NCAPD2: variants seen among roughly 807,000 people sequenced by gnomAD.
The protein encoded by NCAPD2 is condensin complex subunit 1.
In NCAPD2, 100 loss-of-function variants were observed where a neutral mutation model predicts 164.5. That is an observed-to-expected ratio of 0.61 (90% confidence interval 0.52 to 0.72). NCAPD2 has a LOEUF of 0.72. Among genes scored for constraint, NCAPD2 ranks in the 30% least tolerant of loss-of-function variants. The probability of loss-of-function intolerance (pLI) is 0.00; values close to 1 mark genes in which losing one functional copy is unlikely to be tolerated. For missense variants in NCAPD2, 1,560 were observed against 1,749.2 expected, an observed-to-expected ratio of 0.89 and a Z score of 1.93; for synonymous variants, 585 against 642.6, an observed-to-expected ratio of 0.91 and a Z score of 1.36.
At chr12:6,523,859 T>A (rs1285810787) in intron 17 of NCAPD2, among the ~76,000 whole-genome samples, 1 of 152,200 alleles carries the variant, frequency 6.6e-6, no homozygotes, top group African/African-American at 2.4e-5. Flanking sequence ...AGGTAGATAA[T>A]AAAGTGCCAG....
intron 6 of NCAPD2, among the ~76,000 whole-genome samples, 162 bp downstream of exon 6, chr12:6,511,414 C>T (rs1946145469): frequency 6.6e-6 from 1 of 151,952 alleles, no homozygotes; most frequent in Non-Finnish European, 1.5e-5. Flanking sequence ...CTCACTGCAG[C>T]CTCTACCTCC....
intron 17 of NCAPD2, among the ~76,000 whole-genome samples, chr12:6,523,656 CAG>C (rs1219982038): frequency 6.6e-6 from 1 of 152,216 alleles, no homozygotes; most frequent in Admixed American, 6.5e-5. Flanking sequence ...CTCAACCTCC[CAG>C]AGTGCTGGGA....
chr12:6,514,692 T>C, intron 8 of NCAPD2, 81 bp from the exon 9 acceptor site: 1 of 1,606,114 alleles, frequency 6.2e-7, no homozygotes, highest in Non-Finnish European at 8.5e-7. Flanking sequence ...CTTCAGATAT[T>C]AGATACCTGT....
rs545349359 is a variant in NCAPD2 at position 6,531,396 on chromosome 12, G to T, written c.4190G>T (p.Arg1397Leu). The T allele has an allele frequency of 6.2e-7, 1 of 1,612,996 alleles. No homozygotes were observed. The highest frequency in any genetic ancestry group is 8.5e-7 in the Non-Finnish European group (1 of 1,179,874). ...ACTCCCATTCTCAGAGCATCGGCTC[G>T]CAGGCACAGATCCTAGGAAGTCTGT... ...KTTPILRASA[R>L]RHRS Residue 1397 changes from arginine to leucine, a missense_variant, in exon 32 of 32, where the codon CGC becomes CTC. Coordinates refer to ENST00000315579, the MANE Select transcript of NCAPD2 (RefSeq NM_014865.4). The surrounding 1 kb of genome is among the most constrained non-coding windows in gnomAD (Gnocchi z 4.1).
At chr12:6,515,927 C>T (rs577207901) in intron 9 of NCAPD2, among the ~76,000 whole-genome samples, 4 of 152,054 alleles carry the variant, frequency 2.6e-5, no homozygotes, top group South Asian at 2.1e-4. Context: ...TGTGGTGGCT[C>T]ACGCCTGTAA....
rs774397044 is a variant in NCAPD2 at position 6,521,923 on chromosome 12, C to T, written c.1840C>T (p.Leu614=). Residue 614 remains leucine, a synonymous_variant, in exon 15 of 32, where the codon CTA becomes TTA. Coordinates refer to ENST00000315579, the MANE Select transcript of NCAPD2 (RefSeq NM_014865.4). The part of the protein sequence containing the change: ...DPEESRGNDE[L]VKQEMLVQYL... ...TGAGGAATCCAGGGGAAATGATGAA[C>T]TAGTGAAGCAGGAGATGCTGGTACA... The T allele has an allele frequency of 4.3e-6, 7 of 1,614,116 alleles. No homozygotes were observed. The highest frequency in any genetic ancestry group is 1.3e-5 in the African/African-American group (1 of 75,014).
chr12:6,529,964 C>T lies in NCAPD2; in HGVS notation c.3837+6C>T. 6.2e-7 allele frequency: 1 copy of T among 1,610,074 alleles called. No homozygotes were observed. Among genetic ancestry groups the T allele is most frequent in the Non-Finnish European group, 8.5e-7 (1 of 1,177,392 alleles). On this transcript the variant is annotated splice_donor_region_variant and intron_variant, in intron 29 of 31. Transcript: ENST00000315579. The stretch of plus-strand genomic sequence containing the variant: ...GGGCCAAGCCTGAGGGCAAGGTGAG[C>T]AGCACAGGACACTTCAATGCCTGTT...
At chr12:6,503,542 C>T (rs1026066777) in intron 2 of NCAPD2, among the ~76,000 whole-genome samples, 5 of 151,994 alleles carry the variant, frequency 3.3e-5, no homozygotes, top group Non-Finnish European at 7.4e-5. Flanking sequence ...GAGGCCGAGG[C>T]GGGCAGATCA....
intron 2 of NCAPD2, among the ~76,000 whole-genome samples, chr12:6,502,665 T>C (rs1304820603): frequency 2.6e-5 from 4 of 151,876 alleles, no homozygotes; most frequent in East Asian, 1.9e-4. Context: ...AAGATAGATA[T>C]AAGGCCGAGT....
intron 20 of NCAPD2, 22 bp from the exon 21 acceptor site, chr12:6,526,426 A>G (rs779899298): frequency 1.9e-6 from 3 of 1,613,886 alleles, no homozygotes; most frequent in East Asian, 4.5e-5. Flanking sequence ...GCAGTAAACA[A>G]CTTCTCCCTC....
At position 6,504,133 on chromosome 12, in the gene NCAPD2, C is replaced by T. The variant is rs534950821; in HGVS notation, c.128-5584C>T. ...ACCATACAGCGTGCTAAGTGTTGTTCTGACTGGTTTGCATGGACTATCTCA... is the reference window on the plus strand; with the variant it reads ...ACCATACAGCGTGCTAAGTGTTGTTTTGACTGGTTTGCATGGACTATCTCA... On this transcript the variant is annotated intron_variant, in intron 2 of 31. Transcript: ENST00000315579. Among the ~76,000 whole-genome samples the T allele has an allele frequency of 9.0e-5, 12 of 133,506 alleles. No individual in the cohort carries two copies. In the East Asian group the frequency reaches 2.8e-3, roughly 31 times the overall value. 87.6% of individuals were successfully genotyped at this position (133,506 alleles called of 152,430 possible).
At chr12:6,502,506 G>A (rs1946047358) in intron 2 of NCAPD2, among the ~76,000 whole-genome samples, 1 of 152,158 alleles carries the variant, frequency 6.6e-6, no homozygotes, top group East Asian at 1.9e-4. Context: ...TTTTTCTCAG[G>A]CCATTTTTAT....
In NCAPD2 at chr12:6,516,886, T is replaced by C; in HGVS notation, c.1046T>C (p.Leu349Pro). The stretch of plus-strand genomic sequence containing the variant: ...ATGGCGGAGATGGTGCTGCAGGTTC[T>C]CAGTGGCGATCAACTGGAAGCAGCA... The part of the protein sequence containing the change: ...AAMAEMVLQV[L>P]SGDQLEAAAR... Residue 349 changes from leucine to proline, a missense_variant, in exon 10 of 32, where the codon CTC (leucine) becomes CCC (proline). Transcript: ENST00000315579. 2 of 1,614,178 alleles carry C rather than the reference T, an allele frequency of 1.2e-6. No individual in the cohort carries two copies. Among genetic ancestry groups the C allele is most frequent in the Non-Finnish European group, 1.7e-6 (2 of 1,180,042 alleles).
At chr12:6,522,690 T>C (rs1401399328) in intron 15 of NCAPD2, 138 bp from the exon 16 acceptor site, 1 of 887,648 alleles carries the variant, frequency 1.1e-6, no homozygotes, top group Non-Finnish European at 1.8e-6. Flanking sequence ...TGATAAGGCA[T>C]CATAGGAGGA....
chr12:6,513,806 C>T (rs1046754029), intron 6 of NCAPD2, among the ~76,000 whole-genome samples: 2 of 147,858 alleles, frequency 1.4e-5, no homozygotes, highest in African/African-American at 5.0e-5. Context: ...ACCTCCACCT[C>T]CCAGGTTCAA....
At chr12:6,501,342 G>A (rs1255233255) in intron 2 of NCAPD2, among the ~76,000 whole-genome samples, 5 of 143,856 alleles carry the variant, frequency 3.5e-5, no homozygotes, top group African/African-American at 1.0e-4. Flanking sequence ...CCAGGGTCAC[G>A]ACACCTGGCT....
At position 6,511,197 on chromosome 12, in the gene NCAPD2, C is replaced by T. The variant is rs777889802; in HGVS notation, c.532C>T (p.Gln178Ter). Residue 178 changes from glutamine (Q) to a stop codon, truncating the protein, a stop_gained, in exon 6 of 32, where the codon CAG (glutamine) becomes TAG (stop). Coordinates refer to ENST00000315579, the MANE Select transcript of NCAPD2 (RefSeq NM_014865.4). LOFTEE classifies it high-confidence loss of function. ...TCTTCAGCTTTTAACACAGCTACTTCAGTTGGACATCCGTCACCTGTGGAA... is the reference window on the plus strand; with the variant it reads ...TCTTCAGCTTTTAACACAGCTACTTTAGTTGGACATCCGTCACCTGTGGAA... ...PILQLLTQLL[Q>*]LDIRHLWNHS... The T allele has an allele frequency of 4.3e-6, 7 of 1,614,082 alleles. No homozygotes were observed. Among genetic ancestry groups the T allele is most frequent in the South Asian group, 2.2e-5 (2 of 91,088 alleles).
chr12:6,500,831 C>T (rs544186694), intron 2 of NCAPD2, among the ~76,000 whole-genome samples: 9 of 152,130 alleles, frequency 5.9e-5, no homozygotes, highest in South Asian at 4.2e-4. Flanking sequence ...GATTCACTGG[C>T]GACTGTGTTG....
intron 8 of NCAPD2, 29 bp from the exon 9 acceptor site, chr12:6,514,744 G>T (rs753018336): frequency 4.3e-6 from 7 of 1,613,322 alleles, no homozygotes. Flanking sequence ...GATCTATGTT[G>T]CTATGGCTGT....
Sources: allele counts gnomAD v4.1 joint callset (sites outside exome capture counted in the v4.1 genomes callset), GRCh38; gene constraint gnomAD v4.1.1; non-coding constraint Gnocchi (gnomAD v3.1); transcripts MANE v1.5; gene names NCBI Gene and HGNC (gene_info 2026-07-23, HGNC 2026-07-21).